Variants in C19orf44 observed in about 807,000 individuals in gnomAD.
C19orf44 encodes the protein uncharacterized protein C19orf44.
C19orf44 carries 43 observed loss-of-function variants against 50.7 expected under a neutral mutation model. The ratio of observed to expected loss-of-function variants is 0.85; its 90% CI spans 0.66 to 1.09. The LOEUF (loss-of-function observed/expected upper bound fraction) is 1.09, where lower values mean the gene tolerates loss of function less well. C19orf44 is among the 50% of genes least tolerant of loss of function. The pLI, the probability that C19orf44 is intolerant of heterozygous loss-of-function variation, is 0.00. For synonymous variants in C19orf44, 298 were observed against 334.7 expected, an observed-to-expected ratio of 0.89 and a Z score of 1.20; for missense variants, 722 against 836.2, an observed-to-expected ratio of 0.86 and a Z score of 1.68.
In C19orf44 at chr19:16,500,831, T is replaced by C. The variant is rs764833711; in HGVS notation, c.39T>C (p.Asp13=). ...SARKASRPMR[D]VFGDFSDVSL... ...GGAAAGCCAGCCGTCCCATGCGTGA[T>C]GTTTTTGGTGACTTCAGTGATGTTT... is the stretch of plus-strand genomic sequence containing the variant. The change falls in exon 2 of 9, where the codon GAT becomes GAC. Residue 13 remains aspartate (D), a synonymous_variant. Transcript: ENST00000221671. 41 of 1,598,698 alleles carry C rather than the reference T, an allele frequency of 2.6e-5. 1 individual carries two copies. In the South Asian group the frequency reaches 4.5e-4, roughly 18 times the overall value.
In C19orf44 at chr19:16,519,988, G is replaced by A. The variant is rs952380062; in HGVS notation, c.*41-106G>A. 15 of 790,346 alleles carry A rather than the reference G, an allele frequency of 1.9e-5. No homozygotes were observed. Among genetic ancestry groups the A allele is most frequent in the African/African-American group, 1.4e-4 (8 of 57,902 alleles). The allele number at this position is 790,346 out of a possible 1,614,324, so 49.0% of individuals were successfully genotyped here. A position where few individuals can be genotyped will look rare whatever the true frequency, so the allele number is the denominator to read the frequency against. On this transcript the variant is annotated intron_variant, in intron 8 of 8. Transcript: ENST00000221671. The surrounding 1 kb of genome is among the most constrained non-coding windows in gnomAD (Gnocchi z 6.0). ...GACCCCAGTTACTGCCTCAGGCTTC[G>A]CCAAGTGGCTACTGTGGTGAAGGGT...
chr19:16,510,033 C>G, intron 5 of C19orf44, 45 bp downstream of exon 5: 1 of 1,613,658 alleles, frequency 6.2e-7, no homozygotes, highest in Non-Finnish European at 8.5e-7. Flanking sequence ...GGGACAGGAG[C>G]TCAGCGTGTG....
At chr19:16,517,462 C>G (rs1237165869) in intron 8 of C19orf44, 121 bp downstream of exon 8, 7 of 678,310 alleles carry the variant, frequency 1.0e-5, no homozygotes, top group Admixed American at 5.0e-5. Context: ...CACACACACA[C>G]AGTCAGCATC....
Position 16,519,723 on chromosome 19 carries a change from C to A in C19orf44, c.*41-371C>A. 6.2e-7 allele frequency: 1 copy of A among 1,606,926 alleles called. No homozygotes were observed. Among genetic ancestry groups the A allele is most frequent in the Non-Finnish European group, 8.5e-7 (1 of 1,173,628 alleles). ...CCCAGACCAGCAGAGGAACTAAAAT[C>A]GAGACAGGTTATTCTTTTTAAGAAG... On this transcript the variant is annotated intron_variant, in intron 8 of 8. Transcript: ENST00000221671. The surrounding 1 kb of genome is among the most constrained non-coding windows in gnomAD (Gnocchi z 6.0).
At chr19:16,508,822 G>T (rs1199447630) in intron 4 of C19orf44, among the ~76,000 whole-genome samples, 1 of 150,834 alleles carries the variant, frequency 6.6e-6, no homozygotes, top group Non-Finnish European at 1.5e-5. Context: ...AGTCCATGAT[G>T]AAATGTTTTT....
Position 16,520,259 on chromosome 19 carries a change from C to T in C19orf44, c.*206C>T. The T allele has an allele frequency of 6.2e-7, 1 of 1,613,406 alleles. No individual in the cohort carries two copies. Among genetic ancestry groups the T allele is most frequent in the African/African-American group, 1.3e-5 (1 of 75,018 alleles). On this transcript the variant is annotated 3_prime_UTR_variant, in exon 9 of 9. Coordinates refer to ENST00000221671, the MANE Select transcript of C19orf44 (RefSeq NM_032207.4). The surrounding 1 kb of genome is among the most constrained non-coding windows in gnomAD (Gnocchi z 4.0). Reference sequence around the variant, plus strand: ...GGCTTCTGGAGGAGCGCGACCTGCTCCGACTTCTGCAGGGAAGGGTGCCCA... The same window carrying T: ...GGCTTCTGGAGGAGCGCGACCTGCTTCGACTTCTGCAGGGAAGGGTGCCCA...
rs2093430669 is a variant in C19orf44, at chr19:16,503,161, G to T, written c.856G>T (p.Asp286Tyr). Residue 286 changes from aspartate (D) to tyrosine (Y), a missense_variant, in exon 3 of 9, where the codon GAC (aspartate) becomes TAC (tyrosine). Coordinates refer to ENST00000221671, the MANE Select transcript of C19orf44 (RefSeq NM_032207.4). ...ACACCTGCCAACCTCCCTGGCAGCA[G>T]ACAGAACCCTTCACAGCACTCGCTC... The part of the protein sequence containing the change: ...TSHLPTSLAA[D>Y]RTLHSTRSRA... 1.2e-6 allele frequency: 2 copies of T among 1,614,128 alleles called. No individual in the cohort carries two copies. The highest frequency in any genetic ancestry group is 4.5e-5 in the East Asian group (2 of 44,888).
intron 5 of C19orf44, 92 bp from the exon 6 acceptor site, chr19:16,512,922 G>T: frequency 9.9e-7 from 1 of 1,005,846 alleles, no homozygotes; most frequent in Non-Finnish European, 1.5e-6. Context: ...GAAGAACAAG[G>T]TCACGTAGTT....
chr19:16,496,478 G>A lies in C19orf44; in HGVS notation c.-2+13G>A, dbSNP rs1004480750. ...GGCGTGGGAAGAGGTCGGCAGGGCT[G>A]GTGGGGAGGTGACCTAGCTGGGCGT... On this transcript the variant is annotated intron_variant, in intron 1 of 8. Coordinates refer to ENST00000221671, the MANE Select transcript of C19orf44 (RefSeq NM_032207.4). 7 of 337,846 alleles carry A rather than the reference G, an allele frequency of 2.1e-5. No homozygotes were observed. Among genetic ancestry groups the A allele is most frequent in the Non-Finnish European group, 4.0e-5 (7 of 175,200 alleles). 20.9% of individuals were successfully genotyped at this position (337,846 alleles called of 1,614,324 possible).
chr19:16,507,532 C>G (rs2093443900), intron 4 of C19orf44, among the ~76,000 whole-genome samples: 1 of 147,518 alleles, frequency 6.8e-6, no homozygotes, highest in Non-Finnish European at 1.5e-5. Context: ...GTTCTTATCC[C>G]CCAGGTTTGA....
rs777296335 is a variant in C19orf44, at chr19:16,501,220, C to T, written c.428C>T (p.Ala143Val). 3.7e-6 allele frequency: 6 copies of T among 1,614,018 alleles called. No homozygotes were observed. Among genetic ancestry groups the T allele is most frequent in the Admixed American group, 1.7e-5 (1 of 59,988 alleles). The change falls in exon 2 of 9, where the codon GCG (alanine) becomes GTG (valine). Residue 143 changes from alanine to valine, a missense_variant. Coordinates refer to ENST00000221671, the MANE Select transcript of C19orf44 (RefSeq NM_032207.4). ...RILSGGALEL[A>V]SQNTDKTSQN... Reference sequence around the variant, plus strand: ...CTCTCTGGGGGTGCACTCGAACTCGCGTCCCAGAACACAGACAAAACTTCC... The same window carrying T: ...CTCTCTGGGGGTGCACTCGAACTCGTGTCCCAGAACACAGACAAAACTTCC...
rs781082813 is a variant in C19orf44, at chr19:16,503,169, C to T, written c.864C>T (p.Thr288=). 4 of 1,614,136 alleles carry T rather than the reference C, an allele frequency of 2.5e-6. No individual in the cohort carries two copies. In the African/African-American group the frequency reaches 4.0e-5, roughly 16 times the overall value. ...CAACCTCCCTGGCAGCAGACAGAAC[C>T]CTTCACAGCACTCGCTCAAGAGCAG... is the stretch of plus-strand genomic sequence containing the variant. ...HLPTSLAADR[T]LHSTRSRADY... The change falls in exon 3 of 9, where the codon ACC becomes ACT. Residue 288 remains threonine, a synonymous_variant. Coordinates refer to ENST00000221671, the MANE Select transcript of C19orf44 (RefSeq NM_032207.4).
rs777109146 is a variant in C19orf44, at chr19:16,501,524, C to T, written c.732C>T (p.Ser244=). The T allele has an allele frequency of 2.1e-5, 30 of 1,430,294 alleles. No homozygotes were observed. Among genetic ancestry groups the T allele is most frequent in the African/African-American group, 3.0e-5 (2 of 67,538 alleles). The allele number at this position is 1,430,294 out of a possible 1,614,324, so 88.6% of individuals were successfully genotyped here. The change falls in exon 2 of 9, where the codon AGC becomes AGT. Residue 244 remains serine, a synonymous_variant. Coordinates refer to ENST00000221671, the MANE Select transcript of C19orf44 (RefSeq NM_032207.4). ...TNQGFSSANV[S]EEEERKLFSV... ...AAGGCTTCAGCAGCGCTAACGTCAGCGAGGAAGAAGAAAGAAAACTATTTT... is the reference window on the plus strand; with the variant it reads ...AAGGCTTCAGCAGCGCTAACGTCAGTGAGGAAGAAGAAAGAAAACTATTTT...
chr19:16,500,541 C>T (rs971032361), intron 1 of C19orf44, among the ~76,000 whole-genome samples: 6 of 151,810 alleles, frequency 4.0e-5, no homozygotes, highest in African/African-American at 1.5e-4. Flanking sequence ...GACGGGGTTT[C>T]ACCATGTTTG....
intron 4 of C19orf44, among the ~76,000 whole-genome samples, chr19:16,507,979 G>T (rs1457921046): frequency 3.3e-5 from 5 of 150,684 alleles, no homozygotes; most frequent in Admixed American, 3.3e-4. Context: ...AATTTTTTTT[G>T]TATTTTTAGT....
chr19:16,518,901 T>A (rs1239822088), intron 8 of C19orf44: 2 of 529,788 alleles, frequency 3.8e-6, no homozygotes, highest in South Asian at 2.4e-5. Flanking sequence ...TTTGCTTCGC[T>A]ATAAAGGAAA....
chr19:16,520,734 G>T lies in C19orf44; in HGVS notation c.*681G>T. On this transcript the variant is annotated 3_prime_UTR_variant, in exon 9 of 9. Transcript: ENST00000221671. The surrounding 1 kb of genome is among the most constrained non-coding windows in gnomAD (Gnocchi z 4.0). ...CCCCATAGGCACAGGCTGTGTGAGG[G>T]TGGACGTGATGAGTGTATCTGGGGT... 1 of 1,314,514 alleles carries T rather than the reference G, an allele frequency of 7.6e-7. No individual in the cohort carries two copies. The highest frequency in any genetic ancestry group is 1.1e-6 in the Non-Finnish European group (1 of 915,316). The allele number at this position is 1,314,514 out of a possible 1,614,324, so 81.4% of individuals were successfully genotyped here. A position where few individuals can be genotyped will look rare whatever the true frequency, so the allele number is the denominator to read the frequency against.
chr19:16,501,774 A>G (rs2093426273), intron 2 of C19orf44, among the ~76,000 whole-genome samples: 1 of 151,256 alleles, frequency 6.6e-6, no homozygotes, highest in East Asian at 1.9e-4. Context: ...TGTGTTTAGT[A>G]GAGATGGGGT....
In C19orf44 at chr19:16,520,943, C is replaced by G. The variant is rs766896734; in HGVS notation, c.*890C>G. The G allele has an allele frequency of 6.3e-7, 1 of 1,575,884 alleles. No homozygotes were observed. Among genetic ancestry groups the G allele is most frequent in the Admixed American group, 1.7e-5 (1 of 59,980 alleles). The stretch of plus-strand genomic sequence containing the variant: ...AGACACGGCATTCCGTGTGTGACCA[C>G]GTGACACCCACCCACAAGGAAGTCG... On this transcript the variant is annotated 3_prime_UTR_variant, in exon 9 of 9. Transcript: ENST00000221671. The surrounding 1 kb of genome is among the most constrained non-coding windows in gnomAD (Gnocchi z 4.0).
Sources: gnomAD v4.1 joint callset for allele counts (sites outside exome capture counted in the v4.1 genomes callset) on GRCh38, gnomAD v4.1.1 for gene constraint, Gnocchi (gnomAD v3.1) non-coding constraint, MANE v1.5 for transcripts, NCBI Gene and HGNC (gene_info 2026-07-23, HGNC 2026-07-21) for gene names.